Variants in CNTNAP2 observed in about 807,000 individuals in gnomAD.
CNTNAP2 encodes the protein contactin associated protein 2.
A neutral mutation model predicts 155.2 loss-of-function variants in CNTNAP2; 98 were observed. The observed-to-expected ratio is 0.63, with a 90% CI of 0.54 to 0.75. The LOEUF (loss-of-function observed/expected upper bound fraction) is 0.75. Among genes scored for constraint, CNTNAP2 ranks in the 30% least tolerant of loss-of-function variants. The pLI is 0.00. For missense variants in CNTNAP2, 1,727 were observed against 1,688.1 expected (o/e 1.02, Z -0.40); for synonymous variants, 651 against 631.2 (o/e 1.03, Z -0.47).
intron 13 of CNTNAP2, among the ~76,000 whole-genome samples, chr7:147,729,576 C>T (rs1796705909): frequency 6.6e-6 from 1 of 151,384 alleles, no homozygotes; most frequent in Non-Finnish European, 1.5e-5. Context: ...AAAAATACAT[C>T]AGAGTGTACA....
chr7:148,088,514 G>A (rs1803779037), intron 15 of CNTNAP2, among the ~76,000 whole-genome samples: 1 of 151,700 alleles, frequency 6.6e-6, no homozygotes, highest in African/African-American at 2.4e-5. Context: ...GAAATCCAAA[G>A]GATCACAAGA....
At chr7:147,442,398 C>T (rs1797657392) in intron 10 of CNTNAP2, among the ~76,000 whole-genome samples, 1 of 152,172 alleles carries the variant, frequency 6.6e-6, no homozygotes, top group Admixed American at 6.5e-5. Context: ...ACTCATCCTT[C>T]AGGGAAGTGG....
intron 11 of CNTNAP2, among the ~76,000 whole-genome samples, chr7:147,537,633 G>A (rs1356398841): frequency 1.3e-5 from 2 of 151,766 alleles, no homozygotes; most frequent in South Asian, 2.1e-4. Context: ...CACAATATAA[G>A]CGTGACTTAA....
At chr7:146,386,947 T>G (rs1056618804) in intron 1 of CNTNAP2, among the ~76,000 whole-genome samples, 3 of 152,132 alleles carry the variant, frequency 2.0e-5, no homozygotes, top group Non-Finnish European at 4.4e-5. Flanking sequence ...CTCAAGTTCT[T>G]GTTTGCTTTC....
chr7:147,772,471 TATATATATATATAC>T (rs1258863201), intron 13 of CNTNAP2, among the ~76,000 whole-genome samples: 13 of 125,094 alleles, frequency 1.0e-4, no homozygotes, highest in Admixed American at 1.8e-4. Context: ...TATATATATA[TATATATATATATAC>T]ACACACAAAA....
At chr7:147,867,616 G>A (rs1203162011) in intron 13 of CNTNAP2, among the ~76,000 whole-genome samples, 1 of 152,050 alleles carries the variant, frequency 6.6e-6, no homozygotes, top group Non-Finnish European at 1.5e-5. Context: ...TTTTCACATA[G>A]TCCCATGTTT....
chr7:147,947,320 A>G (rs1800837838), intron 14 of CNTNAP2, among the ~76,000 whole-genome samples: 1 of 151,928 alleles, frequency 6.6e-6, no homozygotes, highest in African/African-American at 2.4e-5. Flanking sequence ...TTTCCTAGTC[A>G]GATAAGGAAA....
intron 3 of CNTNAP2, among the ~76,000 whole-genome samples, chr7:146,916,317 G>A (rs558807951): frequency 6.6e-6 from 1 of 152,184 alleles, no homozygotes; most frequent in East Asian, 1.9e-4. Flanking sequence ...TGGTATTAGA[G>A]TGATACTGGA....
chr7:146,532,205 A>C (rs801940), intron 1 of CNTNAP2, among the ~76,000 whole-genome samples: 67,978 of 151,962 alleles, frequency 0.45, 17,249 homozygotes, highest in African/African-American at 0.7. Context: ...AGATTTTCAA[A>C]TGAGAAAATA....
At chr7:148,165,675 C>T (rs1805641655) in intron 17 of CNTNAP2, among the ~76,000 whole-genome samples, 1 of 152,186 alleles carries the variant, frequency 6.6e-6, no homozygotes. Flanking sequence ...GGGAAGCTCA[C>T]ATGCCATGAG....
intron 2 of CNTNAP2, among the ~76,000 whole-genome samples, chr7:146,796,352 G>A (rs1452424990): frequency 6.6e-6 from 1 of 152,178 alleles, no homozygotes; most frequent in East Asian, 1.9e-4. Context: ...ATCTCCCTGA[G>A]GAGTTCTGGG....
intron 1 of CNTNAP2, among the ~76,000 whole-genome samples, chr7:146,310,714 T>C (rs13438740): frequency 0.07 from 10,613 of 152,194 alleles, 1,051 homozygotes; most frequent in African/African-American, 0.22. Flanking sequence ...TAGCAACTTG[T>C]AGTCAGATAG....
chr7:148,193,093 A>G (rs942654481), intron 18 of CNTNAP2, among the ~76,000 whole-genome samples: 1 of 152,218 alleles, frequency 6.6e-6, no homozygotes, highest in African/African-American at 2.4e-5. Flanking sequence ...AGTATTCTAA[A>G]ATCACAAAAA....
intron 13 of CNTNAP2, among the ~76,000 whole-genome samples, chr7:147,779,805 T>G (rs1473641708): frequency 6.6e-6 from 1 of 152,218 alleles, no homozygotes; most frequent in Non-Finnish European, 1.5e-5. Context: ...TCACCAGAAG[T>G]CTACCTTTTC....
intron 1 of CNTNAP2, among the ~76,000 whole-genome samples, chr7:146,151,635 GATATATATATATATATATATATAT>G (rs1226681385): frequency 2.7e-5 from 1 of 36,408 alleles, no homozygotes; most frequent in South Asian, 1.2e-3. Flanking sequence ...AAGAAAACGT[GATATATATATATATATATATATAT>G]ATATATATAT....
At chr7:147,658,250 C>A (rs1795557001) in intron 13 of CNTNAP2, among the ~76,000 whole-genome samples, 1 of 66,230 alleles carries the variant, frequency 1.5e-5, no homozygotes, top group African/African-American at 6.9e-5. Context: ...GAGCGAGACT[C>A]CGTCCCAAAA....
intron 3 of CNTNAP2, among the ~76,000 whole-genome samples, chr7:146,980,641 T>C (rs1201156702): frequency 6.6e-6 from 1 of 152,112 alleles, no homozygotes; most frequent in African/African-American, 2.4e-5. Flanking sequence ...GAAACAGATG[T>C]GTCACGTGGC....
Position 146,116,925 on chromosome 7 carries a change from A to C in CNTNAP2, c.49A>C (p.Ile17Leu), listed in dbSNP as rs982512594. The C allele has an allele frequency of 1.3e-6, 2 of 1,552,444 alleles. No individual in the cohort carries two copies. Among genetic ancestry groups the C allele is most frequent in the Non-Finnish European group, 1.7e-6 (2 of 1,147,702 alleles). ...CTGCGGGGCAGCGCTCCTGCTGTGGATTGTCAGCAGCTGCCTCTGCAGAGC... is the reference window on the plus strand; with the variant it reads ...CTGCGGGGCAGCGCTCCTGCTGTGGCTTGTCAGCAGCTGCCTCTGCAGAGC... ...AGCGAALLLW[I>L]VSSCLCRAWT... The change falls in exon 1 of 24, where the codon ATT becomes CTT. Residue 17 changes from isoleucine to leucine, a missense_variant. Ile to Leu is a conservative substitution (Grantham distance 5). Transcript: ENST00000361727. The surrounding 1 kb of genome is among the most constrained non-coding windows in gnomAD (Gnocchi z 5.5).
chr7:146,151,663 T>TGCGCAATGG, intron 1 of CNTNAP2, among the ~76,000 whole-genome samples: 1 of 44,008 alleles, frequency 2.3e-5, no homozygotes, highest in Non-Finnish European at 4.2e-5. Context: ...TATATATATA[T>TGCGCAATGG]ATATATATAT....
Sources: allele counts gnomAD v4.1 joint callset (sites outside exome capture counted in the v4.1 genomes callset), GRCh38; gene constraint gnomAD v4.1.1; non-coding constraint Gnocchi (gnomAD v3.1); transcripts MANE v1.5; gene names NCBI Gene and HGNC (gene_info 2026-07-23, HGNC 2026-07-21).